The following ARHGEF26 variants were observed in gnomAD, a reference collection of about 807,000 sequenced individuals.
ARHGEF26 encodes Rho guanine nucleotide exchange factor 26.
Under a neutral mutation model 89.4 loss-of-function variants are expected in ARHGEF26, and 59 were observed. That is an observed-to-expected ratio of 0.66 (90% CI 0.54 to 0.82). The LOEUF is 0.82. ARHGEF26 is among the 40% of genes least tolerant of loss of function. ARHGEF26 has a pLI of 0.00. For synonymous variants in ARHGEF26, 500 were observed against 428.4 expected, an observed-to-expected ratio of 1.17 and a Z score of -2.06; for missense variants, 1,234 against 1,085.6, an observed-to-expected ratio of 1.14 and a Z score of -1.92.
chr3:154,229,861 A>G (rs924423361), intron 11 of ARHGEF26, among the ~76,000 whole-genome samples: 3 of 152,212 alleles, frequency 2.0e-5, no homozygotes, highest in Non-Finnish European at 4.4e-5. Context: ...AAGAATAGTA[A>G]TATTGTATTA....
intron 4 of ARHGEF26, among the ~76,000 whole-genome samples, chr3:154,144,578 T>C (rs765411520): frequency 6.6e-6 from 1 of 152,234 alleles, no homozygotes; most frequent in Non-Finnish European, 1.5e-5. Context: ...GTGCATTTAA[T>C]TACTTATCTG....
chr3:154,219,920 AAC>A (rs1491161885), intron 10 of ARHGEF26, among the ~76,000 whole-genome samples: 2 of 27,546 alleles, frequency 7.3e-5, no homozygotes, highest in African/African-American at 3.7e-4. Context: ...TCTCAAAAAA[AAC>A]AAAAAACAAA....
At chr3:154,157,086 G>A (rs1720380264) in intron 6 of ARHGEF26, among the ~76,000 whole-genome samples, 1 of 152,094 alleles carries the variant, frequency 6.6e-6, no homozygotes, top group South Asian at 2.1e-4. Flanking sequence ...AAACAGACAA[G>A]CAGGGACAAC....
intron 12 of ARHGEF26, among the ~76,000 whole-genome samples, chr3:154,242,282 C>T (rs191434438): frequency 8.5e-5 from 13 of 152,274 alleles, no homozygotes; most frequent in East Asian, 5.8e-4. Context: ...GATTCACCAT[C>T]GTAGATGTCA....
chr3:154,126,725 T>A (rs750532250), intron 3 of ARHGEF26, among the ~76,000 whole-genome samples: 1 of 152,228 alleles, frequency 6.6e-6, no homozygotes, highest in Non-Finnish European at 1.5e-5. Flanking sequence ...CCTTGTACAC[T>A]GTGGCCACTA....
intron 12 of ARHGEF26, among the ~76,000 whole-genome samples, chr3:154,250,832 T>TA (rs1718098227): frequency 6.6e-6 from 1 of 152,194 alleles, no homozygotes. Flanking sequence ...TGAGCCTGTG[T>TA]AAAAAATAGA....
intron 3 of ARHGEF26, among the ~76,000 whole-genome samples, chr3:154,126,846 G>T (rs1240925410): frequency 6.6e-6 from 1 of 152,192 alleles, no homozygotes; most frequent in Non-Finnish European, 1.5e-5. Flanking sequence ...GGGCAGTTTT[G>T]TTGTTGTGCA....
intron 9 of ARHGEF26, among the ~76,000 whole-genome samples, chr3:154,213,237 G>GTT (rs1304458029): frequency 7.7e-6 from 1 of 129,874 alleles, no homozygotes; most frequent in Admixed American, 7.7e-5. Context: ...GTGTGTGTGT[G>GTT]TGTGTATATA....
rs752774778 is a variant in ARHGEF26 at position 154,240,385 on chromosome 3, C to T, written c.2106C>T (p.Asn702=). The T allele has an allele frequency of 2.5e-6, 4 of 1,606,502 alleles. No homozygotes were observed. Among genetic ancestry groups the T allele is most frequent in the South Asian group, 1.1e-5 (1 of 90,222 alleles). The change falls in exon 12 of 15, where the codon AAC becomes AAT. Residue 702 remains asparagine (N), a synonymous_variant. Coordinates refer to ENST00000465093, the MANE Select transcript of ARHGEF26 (RefSeq NM_015595.4). ...TCCTTTACAGTGAAGAAAGTTACAA[C>T]GTCAATGATTATTCCTTAAGAGATC... ...ITKKKSEESY[N]VNDYSLRDQL...
chr3:154,255,825 A>T lies in ARHGEF26; in HGVS notation c.*352A>T, dbSNP rs770622453. On this transcript the variant is annotated 3_prime_UTR_variant, in exon 15 of 15. Transcript: ENST00000465093. ...TGGTTTTCTCTATCCTTGCATTACT[A>T]AGGTGACTGTCTCTCTTTATACATC... is the stretch of plus-strand genomic sequence containing the variant. 2.7e-5 allele frequency: 28 copies of T among 1,041,654 alleles called. No homozygotes were observed. The highest frequency in any genetic ancestry group is 3.2e-5 in the Non-Finnish European group (28 of 866,196). The allele number at this position is 1,041,654 out of a possible 1,614,324, so 64.5% of individuals were successfully genotyped here.
chr3:154,207,127 A>T (rs993544302), intron 9 of ARHGEF26, among the ~76,000 whole-genome samples: 11 of 152,216 alleles, frequency 7.2e-5, no homozygotes, highest in African/African-American at 2.7e-4. Flanking sequence ...TAAAGACTTA[A>T]ATGTAAACCT....
intron 9 of ARHGEF26, among the ~76,000 whole-genome samples, chr3:154,215,435 G>A (rs1340255728): frequency 6.6e-6 from 1 of 151,504 alleles, no homozygotes; most frequent in African/African-American, 2.4e-5. Context: ...CTTCCGTGAG[G>A]TTAGGGATTG....
rs1718088089 is a variant in ARHGEF26, at chr3:154,122,986, AG to A, written c.995del (p.Ser332ThrfsTer13). ...VSGFDFDSPTSSKKKNRMSQP... is the reference protein window; with the variant it reads ...VSGFDFDSPTXSKKKNRMSQP... ...TGGCTTTGATTTTGACAGTCCTACCAGCTCGAAGAAGAAGAACAGAATGTCC... is the reference window on the plus strand; with the variant it reads ...TGGCTTTGATTTTGACAGTCCTACCACTCGAAGAAGAAGAACAGAATGTCC... On this transcript the variant is annotated frameshift_variant, in exon 2 of 15. Coordinates refer to ENST00000465093, the MANE Select transcript of ARHGEF26 (RefSeq NM_015595.4). LOFTEE classifies it high-confidence loss of function. 1 of 1,613,790 alleles carries A rather than the reference AG, an allele frequency of 6.2e-7. No individual in the cohort carries two copies. Among genetic ancestry groups the A allele is most frequent in the Non-Finnish European group, 8.5e-7 (1 of 1,179,872 alleles).
At chr3:154,123,965 T>A (rs1718162827) in intron 2 of ARHGEF26, among the ~76,000 whole-genome samples, 1 of 152,224 alleles carries the variant, frequency 6.6e-6, no homozygotes, top group African/African-American at 2.4e-5. Context: ...ATCAGAGCAC[T>A]GGAACCAGTC....
intron 5 of ARHGEF26, 64 bp downstream of exon 5, chr3:154,149,509 G>A: frequency 7.1e-7 from 1 of 1,415,714 alleles, no homozygotes; most frequent in South Asian, 1.4e-5. Flanking sequence ...CTGCTTTTTT[G>A]TGTTTTCACT....
intron 6 of ARHGEF26, among the ~76,000 whole-genome samples, chr3:154,181,957 T>C (rs79548167): frequency 6.6e-6 from 1 of 152,118 alleles, no homozygotes; most frequent in East Asian, 1.9e-4. Flanking sequence ...TTTCATTTGT[T>C]TATGTATTCA....
intron 4 of ARHGEF26, among the ~76,000 whole-genome samples, chr3:154,142,599 G>A (rs1459468154): frequency 6.6e-6 from 1 of 151,708 alleles, no homozygotes; most frequent in Admixed American, 6.6e-5. Flanking sequence ...GTTCTAAGTA[G>A]CTTATTGTTT....
At chr3:154,233,937 A>G (rs1220696038) in intron 11 of ARHGEF26, among the ~76,000 whole-genome samples, 3 of 152,372 alleles carry the variant, frequency 2.0e-5, no homozygotes, top group South Asian at 2.1e-4. Flanking sequence ...TCTAAAGCCT[A>G]TGGAAAGGAA....
At position 154,187,674 on chromosome 3, in the gene ARHGEF26, T is replaced by C; in HGVS notation, c.1488-11T>C. On this transcript the variant is annotated splice_polypyrimidine_tract_variant and intron_variant, in intron 6 of 14. Coordinates refer to ENST00000465093, the MANE Select transcript of ARHGEF26 (RefSeq NM_015595.4). Reference sequence around the variant, plus strand: ...AGAAGTGTTAATTTTTTTTTCCCTTTGGTTTTTCAGGTTCTTTATAGAGTT... The same window carrying C: ...AGAAGTGTTAATTTTTTTTTCCCTTCGGTTTTTCAGGTTCTTTATAGAGTT... The C allele has an allele frequency of 6.3e-7, 1 of 1,590,582 alleles. No individual in the cohort carries two copies. The highest frequency in any genetic ancestry group is 8.6e-7 in the Non-Finnish European group (1 of 1,167,618).
Sources: gnomAD v4.1 joint callset for allele counts (sites outside exome capture counted in the v4.1 genomes callset) on GRCh38, gnomAD v4.1.1 for gene constraint, MANE v1.5 for transcripts, NCBI Gene and HGNC (gene_info 2026-07-23, HGNC 2026-07-21) for gene names.